The following CALN1 variants were observed in gnomAD, a reference collection of about 807,000 sequenced individuals.
The protein encoded by CALN1 is calneuron 1, also known as calcium-binding protein 8.
CALN1 carries 17 observed loss-of-function variants against 30.6 expected under a neutral mutation model. That is an observed-to-expected ratio of 0.56 (90% CI 0.38 to 0.83). The LOEUF (loss-of-function observed/expected upper bound fraction) is 0.83, where lower values mean the gene tolerates loss of function less well. Ranked by LOEUF, CALN1 falls within the 40% of genes least tolerant of loss-of-function variation. The pLI is 0.00. For synonymous variants in CALN1, 156 were observed against 131.4 expected, an observed-to-expected ratio of 1.19 and a Z score of -1.28; for missense variants, 291 against 354.9, an observed-to-expected ratio of 0.82 and a Z score of 1.45.
At chr7:72,117,622 T>A (rs1019483028) in intron 3 of CALN1, among the ~76,000 whole-genome samples, 4 of 152,088 alleles carry the variant, frequency 2.6e-5, no homozygotes, top group African/African-American at 9.7e-5. Context: ...TTCAGTTGGC[T>A]GGGGGCCTAG....
At chr7:71,933,535 T>C (rs1428814908) in intron 5 of CALN1, among the ~76,000 whole-genome samples, 1 of 152,150 alleles carries the variant, frequency 6.6e-6, no homozygotes, top group African/African-American at 2.4e-5. Context: ...CCCTGGGTAT[T>C]TACCCTAGAC....
At chr7:72,260,971 A>G (rs1463170947) in intron 3 of CALN1, among the ~76,000 whole-genome samples, 1 of 152,186 alleles carries the variant, frequency 6.6e-6, no homozygotes, top group Non-Finnish European at 1.5e-5. Context: ...GGATACGAGC[A>G]GAGTAACAGC....
chr7:71,941,590 C>T (rs1323080430), intron 5 of CALN1, among the ~76,000 whole-genome samples: 2 of 152,028 alleles, frequency 1.3e-5, no homozygotes, highest in Non-Finnish European at 2.9e-5. Context: ...TAGAGAAATG[C>T]AAATGAAAAG....
At chr7:72,296,867 A>G (rs1490463990) in intron 2 of CALN1, among the ~76,000 whole-genome samples, 23 of 148,588 alleles carry the variant, frequency 1.5e-4, no homozygotes, top group South Asian at 4.3e-4. Context: ...CTTCAGTTCT[A>G]CTCTGATTTT....
At chr7:72,380,666 G>A (rs1213567232) in intron 2 of CALN1, among the ~76,000 whole-genome samples, 3 of 150,718 alleles carry the variant, frequency 2.0e-5, no homozygotes, top group Admixed American at 6.6e-5. Flanking sequence ...TCAGTGGGTT[G>A]GTGGATGGAT....
At chr7:72,113,209 C>G (rs2129541673) in intron 3 of CALN1, among the ~76,000 whole-genome samples, 1 of 152,284 alleles carries the variant, frequency 6.6e-6, no homozygotes, top group East Asian at 1.9e-4. Context: ...TCAATACTCT[C>G]TCTGGGAGGA....
intron 2 of CALN1, chr7:72,337,000 G>C: frequency 1.0e-6 from 1 of 985,542 alleles, no homozygotes; most frequent in Non-Finnish European, 1.2e-6. Flanking sequence ...CTTGTCCTCT[G>C]CTCTCGTCTG....
intron 3 of CALN1, among the ~76,000 whole-genome samples, chr7:72,185,871 G>A (rs1790152208): frequency 6.6e-6 from 1 of 152,160 alleles, no homozygotes; most frequent in African/African-American, 2.4e-5. Flanking sequence ...TGATTGCGAG[G>A]CTTTCACAGC....
chr7:72,149,508 T>C (rs1787052329), intron 3 of CALN1, among the ~76,000 whole-genome samples: 1 of 152,016 alleles, frequency 6.6e-6, no homozygotes, highest in Admixed American at 6.6e-5. Flanking sequence ...CTCTATTCTC[T>C]ATAAATTACC....
intron 3 of CALN1, among the ~76,000 whole-genome samples, chr7:72,246,990 G>C (rs1305713242): frequency 6.6e-6 from 1 of 151,984 alleles, no homozygotes; most frequent in Non-Finnish European, 1.5e-5. Flanking sequence ...CCGACCTCAG[G>C]TGATCTGCCC....
chr7:72,274,421 T>G (rs192908823), intron 3 of CALN1, among the ~76,000 whole-genome samples: 67 of 150,300 alleles, frequency 4.5e-4, no homozygotes, highest in Admixed American at 1.1e-3. Flanking sequence ...GGCAGGAGAA[T>G]AGCTTGAACC....
upstream of CALN1, among the ~76,000 whole-genome samples, chr7:72,416,024 T>C (rs1425557274): frequency 1.3e-5 from 2 of 152,182 alleles, no homozygotes; most frequent in Non-Finnish European, 2.9e-5. Context: ...CCAATGCTTG[T>C]ACCGTTCCCT....
At chr7:72,031,527 C>G (rs1209033557) in intron 4 of CALN1, among the ~76,000 whole-genome samples, 1 of 152,092 alleles carries the variant, frequency 6.6e-6, no homozygotes, top group Non-Finnish European at 1.5e-5. Flanking sequence ...GGCCATGCAG[C>G]TACCATGAGG....
In CALN1 at chr7:71,803,984, CTGT is replaced by C. The variant is rs151197449; in HGVS notation, c.658+6349_658+6351del. Among the ~76,000 whole-genome samples the C allele has an allele frequency of 5.5e-3, 839 of 151,708 alleles. 4 individuals carry two copies. Among genetic ancestry groups the C allele is most frequent in the African/African-American group, 0.019 (794 of 41,344 alleles). On this transcript the variant is annotated intron_variant, in intron 6 of 6. Transcript: ENST00000395275. ...TGTGTGTGTGTGTGCGTGCATGTGTCTGTTGTTTGTGTTGACCTAAAAATTAAA... is the reference window on the plus strand; with the variant it reads ...TGTGTGTGTGTGTGCGTGCATGTGTCTGTTTGTGTTGACCTAAAAATTAAA...
chr7:72,135,823 C>T (rs1411809501), intron 3 of CALN1, among the ~76,000 whole-genome samples: 1 of 152,112 alleles, frequency 6.6e-6, no homozygotes, highest in Admixed American at 6.5e-5. Context: ...TCCTAGATGG[C>T]ATCTTATTCC....
chr7:72,302,507 C>T (rs1799343085), intron 2 of CALN1, among the ~76,000 whole-genome samples: 1 of 152,140 alleles, frequency 6.6e-6, no homozygotes, highest in African/African-American at 2.4e-5. Context: ...TACAATTTGG[C>T]TGGGCGTGGT....
chr7:72,082,822 C>T (rs376951692), intron 4 of CALN1, among the ~76,000 whole-genome samples: 2 of 152,276 alleles, frequency 1.3e-5, no homozygotes, highest in East Asian at 1.9e-4. Context: ...TTCTGCCATT[C>T]TTTGGTGCGT....
At chr7:72,413,562 C>T (rs1807315723), upstream of CALN1, among the ~76,000 whole-genome samples, 7 of 151,022 alleles carry the variant, frequency 4.6e-5, no homozygotes, top group South Asian at 1.5e-3. Flanking sequence ...TGCATGCACT[C>T]ATGCACACCA....
chr7:72,191,172 G>A (rs1790570062), intron 3 of CALN1, among the ~76,000 whole-genome samples: 1 of 152,206 alleles, frequency 6.6e-6, no homozygotes, highest in Non-Finnish European at 1.5e-5. Context: ...AGCAGGCTGG[G>A]AAGACAAGAA....
Sources: allele counts gnomAD v4.1 joint callset (sites outside exome capture counted in the v4.1 genomes callset), GRCh38; gene constraint gnomAD v4.1.1; transcripts MANE v1.5; gene names NCBI Gene and HGNC (gene_info 2026-07-23, HGNC 2026-07-21).